ATP6V1A: variants seen among roughly 807,000 people sequenced by gnomAD.
ATP6V1A encodes the protein V-type proton ATPase catalytic subunit A.
ATP6V1A carries 18 observed loss-of-function variants against 70.1 expected under a neutral mutation model. The observed-to-expected ratio is 0.26, with a 90% CI of 0.18 to 0.38. ATP6V1A has a LOEUF of 0.38. Among genes scored for constraint, ATP6V1A ranks in the 10% least tolerant of loss-of-function variants. ATP6V1A has a pLI of 1.00. For synonymous variants in ATP6V1A, 232 were observed against 253.8 expected (o/e 0.91, Z 0.82); for missense variants, 424 against 772.4 (o/e 0.55, Z 5.35).
At chr3:113,794,848 A>T (rs773151009) in intron 8 of ATP6V1A, 24 bp from the exon 9 acceptor site, 28 of 1,589,606 alleles carry the variant, frequency 1.8e-5, no homozygotes, top group Non-Finnish European at 2.2e-5. Flanking sequence ...ATTGTAACTT[A>T]TAATAATATT....
intron 6 of ATP6V1A, among the ~76,000 whole-genome samples, chr3:113,788,269 C>T (rs745348054): frequency 2.6e-5 from 4 of 151,952 alleles, no homozygotes; most frequent in Non-Finnish European, 5.9e-5. Flanking sequence ...GAATATATTT[C>T]ATAGTGCTTT....
At chr3:113,785,261 G>A (rs560148795) in intron 5 of ATP6V1A, among the ~76,000 whole-genome samples, 1 of 152,172 alleles carries the variant, frequency 6.6e-6, no homozygotes, top group South Asian at 2.1e-4. Context: ...CCAACATGGT[G>A]AAACCCTGTC....
chr3:113,786,192 A>T, intron 5 of ATP6V1A, 40 bp from the exon 6 acceptor site: 1 of 1,536,622 alleles, frequency 6.5e-7, no homozygotes, highest in South Asian at 1.2e-5. Context: ...AGAAATGTTC[A>T]CAAATTTGAC....
chr3:113,786,941 G>C (rs925018849), intron 6 of ATP6V1A, among the ~76,000 whole-genome samples: 2 of 151,950 alleles, frequency 1.3e-5, no homozygotes, highest in African/African-American at 2.4e-5. Flanking sequence ...ACCACACCTG[G>C]CTAATTTTTT....
At chr3:113,777,472 A>G (rs928475202) in intron 1 of ATP6V1A, among the ~76,000 whole-genome samples, 1 of 152,182 alleles carries the variant, frequency 6.6e-6, no homozygotes, top group Non-Finnish European at 1.5e-5. Flanking sequence ...GATCTGAAGG[A>G]GTGCTGAACA....
intron 1 of ATP6V1A, among the ~76,000 whole-genome samples, chr3:113,774,218 ACTAG>A (rs1292909113): frequency 6.6e-6 from 1 of 152,192 alleles, no homozygotes; most frequent in African/African-American, 2.4e-5. Flanking sequence ...CTCCAAAAAA[ACTAG>A]CTAAGAGACT....
chr3:113,769,763 A>G (rs1708813235), intron 1 of ATP6V1A, among the ~76,000 whole-genome samples: 1 of 152,138 alleles, frequency 6.6e-6, no homozygotes, highest in Admixed American at 6.5e-5. Context: ...TCAGTTGCCT[A>G]TGCTGCCTTT....
intron 13 of ATP6V1A, 58 bp downstream of exon 13, chr3:113,803,735 G>T: frequency 1.5e-6 from 2 of 1,378,272 alleles, no homozygotes; most frequent in Non-Finnish European, 2.0e-6. Flanking sequence ...TTTTGGTGAA[G>T]GAGTACACAT....
intron 2 of ATP6V1A, 133 bp from the exon 3 acceptor site, chr3:113,780,917 A>G (rs1408709234): frequency 6.0e-6 from 8 of 1,343,680 alleles, no homozygotes; most frequent in Non-Finnish European, 7.9e-6. Flanking sequence ...TATGTTCCAT[A>G]GTAGGTTTTT....
chr3:113,788,597 C>T (rs1364863821), intron 6 of ATP6V1A, 116 bp from the exon 7 acceptor site: 37 of 867,778 alleles, frequency 4.3e-5, no homozygotes, highest in African/African-American at 3.5e-4. Flanking sequence ...CCACCCGCTT[C>T]GGCCCCCACA....
At chr3:113,793,988 T>C (rs1461416735) in intron 8 of ATP6V1A, among the ~76,000 whole-genome samples, 1 of 152,120 alleles carries the variant, frequency 6.6e-6, no homozygotes, top group African/African-American at 2.4e-5. Context: ...TATATACAAG[T>C]ATATAGGGCA....
intron 1 of ATP6V1A, among the ~76,000 whole-genome samples, chr3:113,760,765 G>A (rs1229387404): frequency 6.6e-6 from 1 of 150,526 alleles, no homozygotes; most frequent in Non-Finnish European, 1.5e-5. Context: ...TGACAGGATG[G>A]ATTCGTTTAA....
chr3:113,808,804 T>C (rs931013020), intron 14 of ATP6V1A, among the ~76,000 whole-genome samples: 2 of 152,218 alleles, frequency 1.3e-5, no homozygotes, highest in African/African-American at 2.4e-5. Context: ...CTGAATGTGG[T>C]TATCAGGCAA....
intron 1 of ATP6V1A, among the ~76,000 whole-genome samples, chr3:113,751,823 T>A (rs1341900104): frequency 6.6e-6 from 1 of 151,764 alleles, no homozygotes; most frequent in Non-Finnish European, 1.5e-5. Flanking sequence ...ACTGAAGTGA[T>A]CTTTAGAATA....
intron 14 of ATP6V1A, among the ~76,000 whole-genome samples, chr3:113,807,064 A>G (rs911242679): frequency 6.6e-6 from 1 of 152,130 alleles, no homozygotes; most frequent in Non-Finnish European, 1.5e-5. Flanking sequence ...TTGAGAGTTT[A>G]AAAACATTTA....
intron 11 of ATP6V1A, among the ~76,000 whole-genome samples, chr3:113,796,772 G>A (rs755126702): frequency 6.6e-6 from 1 of 152,166 alleles, no homozygotes; most frequent in Non-Finnish European, 1.5e-5. Context: ...GCTTTTTAAC[G>A]TTTGCTAAAA....
At position 113,784,364 on chromosome 3, in the gene ATP6V1A, A is replaced by G. The variant is rs1709014735; in HGVS notation, c.352A>G (p.Ile118Val). The change falls in exon 4 of 15, where the codon ATC becomes GTC. Residue 118 changes from isoleucine to valine, a missense_variant. Coordinates refer to ENST00000273398, the MANE Select transcript of ATP6V1A (RefSeq NM_001690.4). ...CAGCAGTCAGACCCAAAGCATCTACATCCCCAGAGGAGTAAACGTGTCTGC... is the reference window on the plus strand; with the variant it reads ...CAGCAGTCAGACCCAAAGCATCTACGTCCCCAGAGGAGTAAACGTGTCTGC... The part of the protein sequence containing the change: ...DISSQTQSIY[I>V]PRGVNVSALS... The G allele has an allele frequency of 1.2e-6, 2 of 1,614,112 alleles. No homozygotes were observed. Among genetic ancestry groups the G allele is most frequent in the Non-Finnish European group, 1.7e-6 (2 of 1,180,032 alleles).
intron 6 of ATP6V1A, among the ~76,000 whole-genome samples, chr3:113,788,501 T>C (rs1709059991): frequency 6.6e-6 from 1 of 151,414 alleles, no homozygotes; most frequent in Non-Finnish European, 1.5e-5. Flanking sequence ...GCCCGGCTAA[T>C]TTTTCTTTTT....
At chr3:113,753,693 C>CTTTTTTTTTTT (rs11375661) in intron 1 of ATP6V1A, among the ~76,000 whole-genome samples, 5 of 141,098 alleles carry the variant, frequency 3.5e-5, no homozygotes, top group Non-Finnish European at 6.2e-5. Context: ...TATCATGTGT[C>CTTTTTTTTTTT]TTTTTTTTTT....
Sources: gnomAD v4.1 joint callset for allele counts (sites outside exome capture counted in the v4.1 genomes callset) on GRCh38, gnomAD v4.1.1 for gene constraint, MANE v1.5 for transcripts, NCBI Gene and HGNC (gene_info 2026-07-23, HGNC 2026-07-21) for gene names.